LRP1B: variants seen among roughly 807,000 people sequenced by gnomAD.
The protein encoded by LRP1B is LDL receptor related protein 1B, also known as low-density lipoprotein receptor-related protein 1B.
In LRP1B, 217 loss-of-function variants were observed where a neutral mutation model predicts 556.6. That is an observed-to-expected ratio of 0.39 (90% CI 0.35 to 0.44). LRP1B has a LOEUF of 0.44. Among genes scored for constraint, LRP1B ranks in the 20% least tolerant of loss-of-function variants. The pLI, the probability that LRP1B is intolerant of heterozygous loss-of-function variation, is 1.00. For synonymous variants in LRP1B, 2,047 were observed against 1,865.8 expected, an observed-to-expected ratio of 1.10 and a Z score of -2.50; for missense variants, 5,053 against 5,620.8, an observed-to-expected ratio of 0.90 and a Z score of 3.23.
At chr2:140,428,548 C>T (rs1353017224) in intron 66 of LRP1B, among the ~76,000 whole-genome samples, 1 of 152,114 alleles carries the variant, frequency 6.6e-6, no homozygotes, top group Non-Finnish European at 1.5e-5. Flanking sequence ...TCCCAGAGGC[C>T]CTGGAACTCT....
Position 141,985,864 on chromosome 2 carries a change from A to G in LRP1B, c.82+144784T>C, listed in dbSNP as rs149341998. 1.2e-3 allele frequency among the ~76,000 whole-genome samples: 179 copies of G among 152,036 alleles called. 4 individuals carry two copies. The highest frequency in any genetic ancestry group is 0.011 in the Admixed American group (161 of 15,254). On this transcript the variant is annotated intron_variant, in intron 1 of 90. Transcript: ENST00000389484. ...CAATGAATCCCCAAAATGATTTGCAACTCTAATAAATTAGAATTGCTTTTT... is the reference window on the plus strand; with the variant it reads ...CAATGAATCCCCAAAATGATTTGCAGCTCTAATAAATTAGAATTGCTTTTT...
rs1684382303 is a variant in LRP1B, at chr2:141,254,380, G to A, written c.463+142C>T. On this transcript the variant is annotated intron_variant, in intron 4 of 90. Transcript: ENST00000389484. Reference sequence around the variant, plus strand: ...ATAATAATGTTTATGTTTTTGTTGGGGGGGCAACTTTTAAATCTCAAGAAA... The same window carrying A: ...ATAATAATGTTTATGTTTTTGTTGGAGGGGCAACTTTTAAATCTCAAGAAA... 7.9e-6 allele frequency: 6 copies of A among 755,570 alleles called. No individual in the cohort carries two copies. The South Asian group carries it at 1.1e-4, about 14-fold the overall frequency. 46.8% of individuals were successfully genotyped at this position (755,570 alleles called of 1,614,324 possible). A position where few individuals can be genotyped will look rare whatever the true frequency, so the allele number is the denominator to read the frequency against.
intron 2 of LRP1B, among the ~76,000 whole-genome samples, chr2:141,692,880 A>G (rs1183295622): frequency 6.6e-6 from 1 of 152,030 alleles, no homozygotes; most frequent in Non-Finnish European, 1.5e-5. Flanking sequence ...TAAAAATATG[A>G]TATTATAATC....
chr2:141,396,900 G>T (rs1024918307), intron 3 of LRP1B, among the ~76,000 whole-genome samples: 6 of 151,662 alleles, frequency 4.0e-5, no homozygotes, highest in Non-Finnish European at 8.8e-5. Context: ...ATCAACTGAG[G>T]TCGGGAGTTT....
intron 41 of LRP1B, among the ~76,000 whole-genome samples, chr2:140,652,540 C>T (rs1345186022): frequency 6.6e-6 from 1 of 151,952 alleles, no homozygotes; most frequent in Non-Finnish European, 1.5e-5. Context: ...GAAACTAAAG[C>T]TGTATACAAA....
chr2:140,687,411 C>T (rs1427628392), intron 41 of LRP1B, among the ~76,000 whole-genome samples: 3 of 152,062 alleles, frequency 2.0e-5, no homozygotes, highest in Non-Finnish European at 4.4e-5. Flanking sequence ...CAATCTAAGC[C>T]ACATAGTATG....
intron 3 of LRP1B, among the ~76,000 whole-genome samples, chr2:141,288,560 G>A (rs1396250655): frequency 6.6e-6 from 1 of 152,040 alleles, no homozygotes; most frequent in Non-Finnish European, 1.5e-5. Flanking sequence ...GGGACATGAA[G>A]ATTAAGCCAA....
chr2:141,818,958 T>C (rs111794725), intron 1 of LRP1B, among the ~76,000 whole-genome samples: 2 of 150,708 alleles, frequency 1.3e-5, no homozygotes, highest in Non-Finnish European at 3.0e-5. Flanking sequence ...AAAAACTTTC[T>C]GGCCAGGTGC....
intron 33 of LRP1B, among the ~76,000 whole-genome samples, chr2:140,772,048 C>G (rs1559109798): frequency 6.6e-6 from 1 of 152,174 alleles, no homozygotes; most frequent in African/African-American, 2.4e-5. Context: ...GATTTCTCAT[C>G]AGGAGATGTA....
At chr2:141,146,763 A>G (rs1422425480) in intron 7 of LRP1B, among the ~76,000 whole-genome samples, 1 of 152,230 alleles carries the variant, frequency 6.6e-6, no homozygotes, top group Non-Finnish European at 1.5e-5. Context: ...CATCAACTAT[A>G]GATGGCTGTT....
intron 41 of LRP1B, among the ~76,000 whole-genome samples, chr2:140,685,113 CCTT>C (rs1320015241): frequency 6.6e-6 from 1 of 152,160 alleles, no homozygotes; most frequent in African/African-American, 2.4e-5. Flanking sequence ...AATCCTAACT[CCTT>C]CTCATTTCCC....
chr2:141,321,517 T>TGG (rs1329409985), intron 3 of LRP1B, among the ~76,000 whole-genome samples: 1 of 152,122 alleles, frequency 6.6e-6, no homozygotes, highest in African/African-American at 2.4e-5. Context: ...TGTTTCTCTT[T>TGG]GGTTATAACC....
chr2:140,768,771 T>C (rs1689201585), intron 35 of LRP1B, among the ~76,000 whole-genome samples: 1 of 151,952 alleles, frequency 6.6e-6, no homozygotes. Flanking sequence ...GTAGCATGTA[T>C]AATTGTTTCT....
intron 66 of LRP1B, among the ~76,000 whole-genome samples, chr2:140,415,407 C>A (rs769954462): frequency 6.6e-6 from 1 of 152,050 alleles, no homozygotes; most frequent in Non-Finnish European, 1.5e-5. Context: ...GTTCTTACAC[C>A]CCCTCTCCTT....
At chr2:141,006,117 A>G (rs1395850142) in intron 14 of LRP1B, among the ~76,000 whole-genome samples, 6 of 152,036 alleles carry the variant, frequency 3.9e-5, no homozygotes, top group African/African-American at 1.4e-4. Context: ...TCATGAACGT[A>G]TGTGAGGCAC....
At chr2:141,260,754 G>A (rs1206383750) in intron 3 of LRP1B, among the ~76,000 whole-genome samples, 1 of 152,070 alleles carries the variant, frequency 6.6e-6, no homozygotes, top group Non-Finnish European at 1.5e-5. Context: ...TATGCTTCCA[G>A]GTTATGTTTT....
chr2:140,350,812 T>G lies in LRP1B; in HGVS notation c.11877A>C (p.Ala3959=), dbSNP rs200800921. 6.2e-7 allele frequency: 1 copy of G among 1,610,564 alleles called. No homozygotes were observed. The highest frequency in any genetic ancestry group is 2.3e-5 in the East Asian group (1 of 44,414). Residue 3959 remains alanine (A), a synonymous_variant, in exon 77 of 91, where the codon GCA becomes GCC. Coordinates refer to ENST00000389484, the MANE Select transcript of LRP1B (RefSeq NM_018557.3). ...KRIHGREKRQ[A]NSGLICPEFK... ...ATTTACTTACAATCAAGCCACTGTT[T>G]GCTTGCCTTTTTTCTCTGCCATGGA...
At chr2:142,071,314 C>T (rs956838738) in intron 1 of LRP1B, among the ~76,000 whole-genome samples, 5 of 151,868 alleles carry the variant, frequency 3.3e-5, no homozygotes, top group African/African-American at 7.2e-5. Flanking sequence ...CTGGATTTCT[C>T]TCCTACCTTT....
chr2:141,688,994 A>C (rs556861401), intron 2 of LRP1B, among the ~76,000 whole-genome samples: 3 of 151,964 alleles, frequency 2.0e-5, no homozygotes, highest in African/African-American at 7.2e-5. Flanking sequence ...TTTCACAATA[A>C]AATGACAAAA....
Sources: allele counts gnomAD v4.1 joint callset (sites outside exome capture counted in the v4.1 genomes callset), GRCh38; gene constraint gnomAD v4.1.1; transcripts MANE v1.5; gene names NCBI Gene and HGNC (gene_info 2026-07-23, HGNC 2026-07-21).